The following ZNF362 variants were observed in gnomAD, a reference collection of about 807,000 sequenced individuals.
ZNF362 encodes rotund homolog.
A neutral mutation model predicts 42.9 loss-of-function variants in ZNF362; 11 were observed. That is an observed-to-expected ratio of 0.26 (90% CI 0.16 to 0.42). The LOEUF is 0.42. ZNF362 is among the 20% of genes least tolerant of loss of function. The pLI, the probability that ZNF362 is intolerant of heterozygous loss-of-function variation, is 1.00. For missense variants in ZNF362, 362 were observed against 576.2 expected (o/e 0.63, Z 3.81); for synonymous variants, 255 against 257.3 (o/e 0.99, Z 0.09).
intron 8 of ZNF362, among the ~76,000 whole-genome samples, chr1:33,296,593 G>C (rs1484037119): frequency 1.3e-5 from 2 of 152,172 alleles, no homozygotes; most frequent in Non-Finnish European, 2.9e-5. Flanking sequence ...ACCTGGAGGA[G>C]CAACACTTAG....
the ZNF362 span, among the ~76,000 whole-genome samples, chr1:33,217,092 G>A: frequency 6.6e-6 from 1 of 152,078 alleles, no homozygotes; most frequent in African/African-American, 2.4e-5. Context: ...GAACAGGCAC[G>A]TGGCACAAAG....
chr1:33,280,002 C>A lies in ZNF362; in HGVS notation c.350-122C>A. On this transcript the variant is annotated intron_variant, in intron 4 of 8. Transcript: ENST00000539719. The surrounding 1 kb of genome is among the most constrained non-coding windows in gnomAD (Gnocchi z 5.6). ...TGCACAAGGTCTCATTTAGTTACCC[C>A]TGGGTAATAACTTATGAACGTTAAG... 8.3e-7 allele frequency: 1 copy of A among 1,206,096 alleles called. No homozygotes were observed. The highest frequency in any genetic ancestry group is 1.7e-5 in the South Asian group (1 of 57,544). 74.7% of individuals were successfully genotyped at this position (1,206,096 alleles called of 1,614,324 possible). A position where few individuals can be genotyped will look rare whatever the true frequency, so the allele number is the denominator to read the frequency against.
the ZNF362 span, among the ~76,000 whole-genome samples, chr1:33,131,636 A>G: frequency 6.6e-6 from 1 of 150,960 alleles, no homozygotes; most frequent in Non-Finnish European, 1.5e-5. Flanking sequence ...AAAATAAATA[A>G]TTAAAATATA....
At chr1:33,127,735 A>G in the ZNF362 span, among the ~76,000 whole-genome samples, 2 of 152,222 alleles carry the variant, frequency 1.3e-5, no homozygotes, top group African/African-American at 4.8e-5. Context: ...TATGCGAGGG[A>G]AAACACCTGC....
the ZNF362 span, among the ~76,000 whole-genome samples, chr1:33,189,022 C>T: frequency 6.6e-6 from 1 of 152,308 alleles, no homozygotes; most frequent in East Asian, 1.9e-4. Context: ...TTCACTACTG[C>T]CTGGGATTCC....
At chr1:33,225,680 A>C in the ZNF362 span, among the ~76,000 whole-genome samples, 1 of 152,166 alleles carries the variant, frequency 6.6e-6, no homozygotes, top group East Asian at 1.9e-4. Flanking sequence ...AGTTATAGGA[A>C]ACCCAACTAT....
chr1:33,206,261 A>G, the ZNF362 span, among the ~76,000 whole-genome samples: 1 of 152,116 alleles, frequency 6.6e-6, no homozygotes, highest in African/African-American at 2.4e-5. Context: ...TTCCTGCTTA[A>G]GTGTACAACA....
the ZNF362 span, among the ~76,000 whole-genome samples, chr1:33,205,101 T>G: frequency 6.6e-6 from 1 of 152,134 alleles, no homozygotes; most frequent in African/African-American, 2.4e-5. Context: ...CATCTATATA[T>G]TTAAGAGAAT....
the ZNF362 span, among the ~76,000 whole-genome samples, chr1:33,202,397 T>C: frequency 5.9e-3 from 896 of 151,944 alleles, 9 homozygotes; most frequent in African/African-American, 0.02. Flanking sequence ...GAGATTGAGA[T>C]CATCCTGGCT....
intron 1 of ZNF362, among the ~76,000 whole-genome samples, chr1:33,265,130 T>A (rs1404029760): frequency 6.6e-6 from 1 of 151,562 alleles, no homozygotes; most frequent in Non-Finnish European, 1.5e-5. Flanking sequence ...GGATAGGAGC[T>A]GGGGGTCCCC....
intron 8 of ZNF362, 64 bp from the exon 9 acceptor site, chr1:33,298,866 A>C: frequency 3.5e-4 from 441 of 1,263,866 alleles, no homozygotes; most frequent in Middle Eastern, 1.1e-3. Context: ...GCTGGTGGGA[A>C]CTGCAGCCTC....
the ZNF362 span, among the ~76,000 whole-genome samples, chr1:33,212,129 C>T: frequency 2.0e-5 from 3 of 152,076 alleles, no homozygotes; most frequent in Non-Finnish European, 4.4e-5. Flanking sequence ...GTAGCACCGC[C>T]GCCTTCTCTC....
chr1:33,243,103 CTGTTATTA>C, the ZNF362 span, among the ~76,000 whole-genome samples: 1 of 135,346 alleles, frequency 7.4e-6, no homozygotes, highest in Admixed American at 7.2e-5. Flanking sequence ...ATCACCACAA[CTGTTATTA>C]TGTTATGTTA....
chr1:33,182,600 T>TTGTGTGTGTGTGTGTGTGTG, the ZNF362 span, among the ~76,000 whole-genome samples: 1 of 146,978 alleles, frequency 6.8e-6, no homozygotes, highest in African/African-American at 2.5e-5. Context: ...AGTGCTGTAT[T>TTGTGTGTGTGTGTGTGTGTG]TGTGTGTGTG....
chr1:33,267,983 C>T (rs917915358), intron 1 of ZNF362, among the ~76,000 whole-genome samples: 5 of 152,198 alleles, frequency 3.3e-5, no homozygotes, highest in Admixed American at 1.3e-4. Flanking sequence ...AATACATGAG[C>T]GTGCCAATTT....
chr1:33,274,126 C>T (rs1645925211), intron 2 of ZNF362, among the ~76,000 whole-genome samples: 1 of 152,174 alleles, frequency 6.6e-6, no homozygotes, highest in Admixed American at 6.5e-5. Flanking sequence ...TGTGGGGTCG[C>T]AGCCGTGTCA....
chr1:33,139,625 C>T, the ZNF362 span, among the ~76,000 whole-genome samples: 56 of 152,320 alleles, frequency 3.7e-4, no homozygotes, highest in Non-Finnish European at 7.2e-4. Flanking sequence ...TCATTCTCCA[C>T]GTGGGATCAT....
chr1:33,193,537 A>T, the ZNF362 span, among the ~76,000 whole-genome samples: 2 of 152,244 alleles, frequency 1.3e-5, no homozygotes, highest in Non-Finnish European at 2.9e-5. Context: ...TGGATAATTC[A>T]CATGCTGTTT....
chr1:33,229,566 C>T, the ZNF362 span, among the ~76,000 whole-genome samples: 69 of 152,168 alleles, frequency 4.5e-4, no homozygotes, highest in Non-Finnish European at 7.4e-4. Context: ...ACCACCACAC[C>T]GGCTAGCTTT....
Sources: gnomAD v4.1 joint callset for allele counts (sites outside exome capture counted in the v4.1 genomes callset) on GRCh38, gnomAD v4.1.1 for gene constraint, Gnocchi (gnomAD v3.1) non-coding constraint, MANE v1.5 for transcripts, NCBI Gene and HGNC (gene_info 2026-07-23, HGNC 2026-07-21) for gene names.